Variants in FBXO4 observed in about 807,000 individuals in gnomAD.
FBXO4 encodes F-box only protein 4.
A neutral mutation model predicts 43.7 loss-of-function variants in FBXO4; 36 were observed. That is an observed-to-expected ratio of 0.82 (90% CI 0.63 to 1.09). The LOEUF is 1.09. Among genes scored for constraint, FBXO4 ranks in the 50% least tolerant of loss-of-function variants. The pLI, the probability that FBXO4 is intolerant of heterozygous loss-of-function variation, is 0.00. For missense variants in FBXO4, 435 were observed against 474.1 expected (o/e 0.92, Z 0.77); for synonymous variants, 180 against 165.6 (o/e 1.09, Z -0.67).
the FBXO4 span, among the ~76,000 whole-genome samples, chr5:41,994,306 A>G: frequency 6.6e-6 from 1 of 152,244 alleles, no homozygotes; most frequent in Non-Finnish European, 1.5e-5. Flanking sequence ...TCCTTAGTAC[A>G]AGTGTATACA....
chr5:42,010,303 G>T, the FBXO4 span, among the ~76,000 whole-genome samples: 3 of 152,106 alleles, frequency 2.0e-5, no homozygotes, highest in East Asian at 3.9e-4. Flanking sequence ...TACAAGACCA[G>T]CCTGGTCAAG....
At chr5:42,019,398 G>A in the FBXO4 span, among the ~76,000 whole-genome samples, 1 of 152,116 alleles carries the variant, frequency 6.6e-6, no homozygotes. Flanking sequence ...ACTAGAAAAT[G>A]TAAAATTAGG....
chr5:41,932,247 C>G (rs573922707), intron 3 of FBXO4, among the ~76,000 whole-genome samples: 1 of 152,208 alleles, frequency 6.6e-6, no homozygotes, highest in Admixed American at 6.5e-5. Flanking sequence ...AAGGGCAGAA[C>G]AGTATGGCGA....
chr5:42,004,308 C>A, the FBXO4 span, among the ~76,000 whole-genome samples: 1 of 152,008 alleles, frequency 6.6e-6, no homozygotes, highest in Non-Finnish European at 1.5e-5. Flanking sequence ...CTTTCACAAC[C>A]ATTAAATTTG....
At chr5:42,040,183 C>T in the FBXO4 span, among the ~76,000 whole-genome samples, 2 of 152,230 alleles carry the variant, frequency 1.3e-5, no homozygotes, top group African/African-American at 2.4e-5. Flanking sequence ...TCTACCCTCT[C>T]TGTCCCTTTT....
chr5:41,999,351 ATTAG>A, the FBXO4 span, among the ~76,000 whole-genome samples: 8 of 147,930 alleles, frequency 5.4e-5, no homozygotes, highest in Non-Finnish European at 1.0e-4. Flanking sequence ...CAAAATATGT[ATTAG>A]TTAGGGTTCT....
intron 1 of FBXO4, 134 bp downstream of exon 1, chr5:41,925,632 G>C: frequency 3.4e-6 from 2 of 586,086 alleles, no homozygotes; most frequent in Admixed American, 4.4e-5. Context: ...AGCCATTCCT[G>C]GCAGTGTAGT....
chr5:42,036,090 T>C, the FBXO4 span, among the ~76,000 whole-genome samples: 1 of 152,274 alleles, frequency 6.6e-6, no homozygotes, highest in East Asian at 1.9e-4. Flanking sequence ...CAGTCTCATA[T>C]ACTCCTAGTG....
At chr5:42,019,014 T>C in the FBXO4 span, among the ~76,000 whole-genome samples, 5 of 152,158 alleles carry the variant, frequency 3.3e-5, no homozygotes, top group Non-Finnish European at 5.9e-5. Flanking sequence ...TCCAATACTA[T>C]AGCCATATGT....
intron 6 of FBXO4, among the ~76,000 whole-genome samples, chr5:41,940,126 C>T (rs1336882811): frequency 1.3e-5 from 2 of 151,870 alleles, no homozygotes; most frequent in Admixed American, 6.6e-5. Flanking sequence ...GCTGGGATTA[C>T]AGGTGTGAGC....
chr5:42,029,730 C>T, the FBXO4 span, among the ~76,000 whole-genome samples: 3 of 151,926 alleles, frequency 2.0e-5, no homozygotes, highest in Admixed American at 6.6e-5. Flanking sequence ...ATTCATTCTG[C>T]TATTAAATGA....
chr5:42,031,330 C>A, the FBXO4 span, among the ~76,000 whole-genome samples: 5 of 151,964 alleles, frequency 3.3e-5, no homozygotes, highest in African/African-American at 1.2e-4. Context: ...AAACTGGAAA[C>A]CATCATTCTC....
the FBXO4 span, among the ~76,000 whole-genome samples, chr5:41,984,178 T>A: frequency 6.6e-6 from 1 of 152,216 alleles, no homozygotes; most frequent in African/African-American, 2.4e-5. Context: ...TAATAGTTTC[T>A]AACAATCAGC....
chr5:41,978,984 T>C, the FBXO4 span, among the ~76,000 whole-genome samples: 4 of 152,326 alleles, frequency 2.6e-5, no homozygotes, highest in South Asian at 8.3e-4. Flanking sequence ...ATTTTTGTTT[T>C]TTTTTGTAAA....
downstream of FBXO4, among the ~76,000 whole-genome samples, chr5:41,944,798 C>T (rs535129892): frequency 3.9e-5 from 6 of 152,278 alleles, no homozygotes; most frequent in South Asian, 2.1e-4. Flanking sequence ...GCTAAGGTTA[C>T]GATTGTACTC....
chr5:41,991,033 C>T, the FBXO4 span, among the ~76,000 whole-genome samples: 1 of 152,132 alleles, frequency 6.6e-6, no homozygotes. Context: ...TGATGGGTTG[C>T]TTAGAATGTC....
chr5:42,029,499 G>A, the FBXO4 span, among the ~76,000 whole-genome samples: 2,437 of 151,928 alleles, frequency 0.016, 121 homozygotes, highest in East Asian at 0.1. Flanking sequence ...AGGTTTGGGG[G>A]ATTCTGTTAT....
chr5:41,931,550 C>T (rs891959284), intron 3 of FBXO4, among the ~76,000 whole-genome samples: 11 of 152,216 alleles, frequency 7.2e-5, no homozygotes, highest in African/African-American at 2.2e-4. Context: ...AGAATGGAAG[C>T]TCCATGAAGG....
chr5:41,975,418 G>T, the FBXO4 span, among the ~76,000 whole-genome samples: 1 of 152,152 alleles, frequency 6.6e-6, no homozygotes, highest in Non-Finnish European at 1.5e-5. Flanking sequence ...AGACTCCATT[G>T]TTGCTTTGTT....
Sources: gnomAD v4.1 joint callset for allele counts (sites outside exome capture counted in the v4.1 genomes callset) on GRCh38, gnomAD v4.1.1 for gene constraint, MANE v1.5 for transcripts, NCBI Gene and HGNC (gene_info 2026-07-23, HGNC 2026-07-21) for gene names.